Variants in TCP11L1 observed in about 807,000 individuals in gnomAD.
TCP11L1 encodes T-complex protein 11-like protein 1.
TCP11L1 carries 28 observed loss-of-function variants against 48.9 expected under a neutral mutation model. That is an observed-to-expected ratio of 0.57 (90% CI 0.42 to 0.78). The LOEUF is 0.78. Among genes scored for constraint, TCP11L1 ranks in the 30% least tolerant of loss-of-function variants. The pLI, the probability that TCP11L1 is intolerant of heterozygous loss-of-function variation, is 0.00. For missense variants in TCP11L1, 505 were observed against 613.4 expected, an observed-to-expected ratio of 0.82 and a Z score of 1.87; for synonymous variants, 204 against 231.9, an observed-to-expected ratio of 0.88 and a Z score of 1.09.
chr11:33,063,076 GCTGATCTTAAACTC>G (rs1364667979), intron 7 of TCP11L1, among the ~76,000 whole-genome samples: 1 of 152,114 alleles, frequency 6.6e-6, no homozygotes, highest in African/African-American at 2.4e-5. Flanking sequence ...TGTTACTCAG[GCTGATCTTAAACTC>G]CTGGCCTCAA....
chr11:33,067,518 C>G (rs1330501622), intron 8 of TCP11L1, among the ~76,000 whole-genome samples: 6 of 152,198 alleles, frequency 3.9e-5, no homozygotes, highest in Non-Finnish European at 7.3e-5. Context: ...GAGGGCCTAG[C>G]CTGAGGCCTT....
At chr11:33,050,933 C>T (rs1324760599) in intron 2 of TCP11L1, among the ~76,000 whole-genome samples, 5 of 151,970 alleles carry the variant, frequency 3.3e-5, no homozygotes, top group Non-Finnish European at 5.9e-5. Context: ...CCCGTCTCAG[C>T]CTCCTGAGTA....
At chr11:33,045,256 G>A (rs1355345045) in intron 2 of TCP11L1, among the ~76,000 whole-genome samples, 4 of 151,968 alleles carry the variant, frequency 2.6e-5, no homozygotes, top group African/African-American at 9.7e-5. Context: ...GTGGGGCTAA[G>A]GCAGGAGGAT....
At position 33,072,622 on chromosome 11, in the gene TCP11L1, G is replaced by C; in HGVS notation, c.1476G>C (p.Met492Ile). The C allele has an allele frequency of 6.2e-7, 1 of 1,614,086 alleles. No homozygotes were observed. The highest frequency in any genetic ancestry group is 8.5e-7 in the Non-Finnish European group (1 of 1,180,014). Residue 492 changes from methionine to isoleucine, a missense_variant, in exon 10 of 10, where the codon ATG becomes ATC. By Grantham distance (10) the Met-to-Ile change is conservative. This residue lies in a region of TCP11L1 where 335 missense variants were observed against 413.3 expected (regional missense o/e 0.81). Coordinates refer to ENST00000334274, the MANE Select transcript of TCP11L1 (RefSeq NM_018393.4). ...CTCGCCTGGTCAACTATAACAAGAT[G>C]GTCTTCTGTCCCTACTACGATGCAA... ...KFARLVNYNK[M>I]VFCPYYDAIL...
At chr11:33,059,230 A>G (rs1486613458) in intron 6 of TCP11L1, 135 bp downstream of exon 6, 1 of 1,234,560 alleles carries the variant, frequency 8.1e-7, no homozygotes, top group Non-Finnish European at 1.1e-6. Context: ...GAAGAAGGAA[A>G]AGCACAAAAT....
intron 2 of TCP11L1, among the ~76,000 whole-genome samples, chr11:33,047,641 A>G (rs1854038195): frequency 6.6e-6 from 1 of 152,220 alleles, no homozygotes; most frequent in Non-Finnish European, 1.5e-5. Flanking sequence ...AAAGCTCATG[A>G]CTAGACTTTG....
At chr11:33,044,833 A>G (rs747046223) in intron 2 of TCP11L1, among the ~76,000 whole-genome samples, 1 of 152,198 alleles carries the variant, frequency 6.6e-6, no homozygotes, top group African/African-American at 2.4e-5. Flanking sequence ...TTGCTAGCAC[A>G]GTCTATCATG....
At chr11:33,071,202 C>T (rs932029459) in intron 9 of TCP11L1, among the ~76,000 whole-genome samples, 2 of 151,840 alleles carry the variant, frequency 1.3e-5, no homozygotes, top group Non-Finnish European at 2.9e-5. Flanking sequence ...GTAATCCCAG[C>T]TACTCGGGAG....
At chr11:33,054,015 C>T (rs1037113608) in intron 2 of TCP11L1, among the ~76,000 whole-genome samples, 2 of 152,006 alleles carry the variant, frequency 1.3e-5, no homozygotes, top group African/African-American at 4.8e-5. Flanking sequence ...CAAGATCTCA[C>T]TATGGTGCCC....
chr11:33,052,918 G>A (rs1266723523), intron 2 of TCP11L1, among the ~76,000 whole-genome samples: 2 of 152,150 alleles, frequency 1.3e-5, no homozygotes, highest in Non-Finnish European at 2.9e-5. Flanking sequence ...ATTTGAGCCT[G>A]AGAGGTTGAG....
chr11:33,049,331 T>C (rs2133701448), intron 2 of TCP11L1, among the ~76,000 whole-genome samples: 3 of 151,908 alleles, frequency 2.0e-5, no homozygotes, highest in Admixed American at 2.0e-4. Flanking sequence ...TGGTAAGACA[T>C]TGATTATTTT....
chr11:33,041,033 T>G (rs923078499), intron 1 of TCP11L1: 6 of 152,202 alleles, frequency 3.9e-5, no homozygotes, highest in Non-Finnish European at 7.3e-5. Context: ...TGAATTGAAT[T>G]TAAGGCAGTG....
At chr11:33,063,090 C>A (rs2133735177) in intron 7 of TCP11L1, among the ~76,000 whole-genome samples, 1 of 152,258 alleles carries the variant, frequency 6.6e-6, no homozygotes, top group East Asian at 1.9e-4. Context: ...ATCTTAAACT[C>A]CTGGCCTCAA....
intron 8 of TCP11L1, among the ~76,000 whole-genome samples, chr11:33,066,972 A>G (rs1336538640): frequency 8.2e-6 from 1 of 122,310 alleles, no homozygotes; most frequent in East Asian, 2.5e-4. Context: ...TTCTTATTCC[A>G]TTAAAAAAAA....
At position 33,049,204 on chromosome 11, in the gene TCP11L1, C is replaced by T. The variant is rs547474158; in HGVS notation, c.163+5268C>T. On this transcript the variant is annotated intron_variant, in intron 2 of 9. Transcript: ENST00000334274. ...GGCGGAGGTTGCAGTGAGCCGAGAT[C>T]GCGCCACTGCACTCCAGCCTCGTGA... 1.3e-4 allele frequency among the ~76,000 whole-genome samples: 19 copies of T among 148,884 alleles called. No homozygotes were observed. The South Asian group carries it at 1.9e-3, about 15-fold the overall frequency.
At position 33,057,108 on chromosome 11, in the gene TCP11L1, G is replaced by C; in HGVS notation, c.297-7G>C. The C allele has an allele frequency of 6.2e-7, 1 of 1,607,684 alleles. No homozygotes were observed. The highest frequency in any genetic ancestry group is 2.2e-5 in the East Asian group (1 of 44,790). On this transcript the variant is annotated splice_polypyrimidine_tract_variant and splice_region_variant and intron_variant, in intron 3 of 9. Transcript: ENST00000334274. ...TGCCCCCCTCCTTTTTTTTTTCACTGCCCCAGCTTGAAGAAGAGAGTAAAG... is the reference window on the plus strand; with the variant it reads ...TGCCCCCCTCCTTTTTTTTTTCACTCCCCCAGCTTGAAGAAGAGAGTAAAG...
intron 3 of TCP11L1, among the ~76,000 whole-genome samples, chr11:33,055,361 G>C (rs1006989929): frequency 2.0e-5 from 3 of 152,182 alleles, no homozygotes; most frequent in African/African-American, 7.2e-5. Context: ...GAATGCTGCA[G>C]CTCCAAGCAT....
intron 7 of TCP11L1, 66 bp downstream of exon 7, chr11:33,061,792 T>C: frequency 2.1e-6 from 3 of 1,462,344 alleles, no homozygotes; most frequent in Non-Finnish European, 1.8e-6. Context: ...TTAAAAAGAA[T>C]AGCTTTGGCC....
intron 2 of TCP11L1, among the ~76,000 whole-genome samples, chr11:33,054,055 G>C (rs1564979136): frequency 6.6e-6 from 1 of 152,052 alleles, no homozygotes; most frequent in Non-Finnish European, 1.5e-5. Flanking sequence ...GGCCTCAAAT[G>C]ATCTCTCGCC....
Sources: allele counts gnomAD v4.1 joint callset (sites outside exome capture counted in the v4.1 genomes callset), GRCh38; gene constraint gnomAD v4.1.1; regional missense constraint gnomAD v4.1.1; transcripts MANE v1.5; gene names NCBI Gene and HGNC (gene_info 2026-07-23, HGNC 2026-07-21).